FBXL17: variants seen among roughly 807,000 people sequenced by gnomAD.
FBXL17 encodes F-box and leucine rich repeat protein 17, also known as F-box/LRR-repeat protein 17.
FBXL17 carries 22 observed loss-of-function variants against 66.2 expected under a neutral mutation model. The observed-to-expected ratio is 0.33, with a 90% confidence interval of 0.24 to 0.47. The LOEUF (loss-of-function observed/expected upper bound fraction) is 0.47, where lower values mean the gene tolerates loss of function less well. FBXL17 is among the 20% of genes least tolerant of loss of function. FBXL17 has a pLI of 1.00. For missense variants in FBXL17, 878 were observed against 948.2 expected (o/e 0.93, Z 0.97); for synonymous variants, 474 against 400.5 (o/e 1.18, Z -2.19).
At chr5:107,980,400 TA>T (rs535898493) in intron 7 of FBXL17, among the ~76,000 whole-genome samples, 134 of 133,278 alleles carry the variant, frequency 1.0e-3, no homozygotes, top group Non-Finnish European at 1.1e-3. Flanking sequence ...TTTTACTTAA[TA>T]TTTTTTTTTT....
At chr5:107,883,076 C>T (rs771138503) in intron 7 of FBXL17, among the ~76,000 whole-genome samples, 1 of 152,124 alleles carries the variant, frequency 6.6e-6, no homozygotes, top group Non-Finnish European at 1.5e-5. Context: ...TTAACTCATT[C>T]GTTTATTTAA....
At chr5:108,232,532 C>T (rs1360098153) in intron 4 of FBXL17, among the ~76,000 whole-genome samples, 1 of 151,490 alleles carries the variant, frequency 6.6e-6, no homozygotes, top group Non-Finnish European at 1.5e-5. Flanking sequence ...GCAGACCCAC[C>T]CTTACTCTGG....
At chr5:107,975,609 A>C (rs966630592) in intron 7 of FBXL17, among the ~76,000 whole-genome samples, 1 of 151,994 alleles carries the variant, frequency 6.6e-6, no homozygotes, top group African/African-American at 2.4e-5. Flanking sequence ...CCTGAAATAA[A>C]TGTATCATTG....
intron 6 of FBXL17, among the ~76,000 whole-genome samples, chr5:108,100,452 CAA>C (rs766012699): frequency 1.6e-3 from 244 of 152,212 alleles, no homozygotes; most frequent in Middle Eastern, 3.4e-3. Flanking sequence ...TGTTTCTAAG[CAA>C]ATCCCAAAAA....
intron 7 of FBXL17, among the ~76,000 whole-genome samples, chr5:107,929,411 A>G (rs1225743768): frequency 6.6e-6 from 1 of 152,180 alleles, no homozygotes; most frequent in Non-Finnish European, 1.5e-5. Flanking sequence ...TACCTTTACT[A>G]CTACTTAGTG....
intron 4 of FBXL17, among the ~76,000 whole-genome samples, chr5:108,329,009 T>C (rs935440778): frequency 1.3e-5 from 2 of 152,086 alleles, no homozygotes; most frequent in Non-Finnish European, 2.9e-5. Context: ...TATCCTTTGA[T>C]CTTCCCAATT....
chr5:108,288,139 T>C (rs184403298), intron 4 of FBXL17, among the ~76,000 whole-genome samples: 160 of 151,768 alleles, frequency 1.1e-3, no homozygotes, highest in African/African-American at 3.6e-3. Flanking sequence ...AGGGTGAAGA[T>C]TGAAAAACTA....
intron 6 of FBXL17, among the ~76,000 whole-genome samples, chr5:108,031,664 G>C (rs1746648731): frequency 6.6e-6 from 1 of 151,980 alleles, no homozygotes. Flanking sequence ...TGAGAAACTG[G>C]TCTCTCAAAA....
At chr5:108,145,821 CAATAAT>C (rs139233106) in intron 6 of FBXL17, among the ~76,000 whole-genome samples, 31 of 146,148 alleles carry the variant, frequency 2.1e-4, no homozygotes, top group Middle Eastern at 3.6e-3. Context: ...GTTGCCTAAA[CAATAAT>C]AATAATAATA....
At chr5:108,253,436 A>C (rs1756444937) in intron 4 of FBXL17, among the ~76,000 whole-genome samples, 1 of 152,168 alleles carries the variant, frequency 6.6e-6, no homozygotes, top group African/African-American at 2.4e-5. Flanking sequence ...AAAGTTCTTC[A>C]GATTACAGGA....
chr5:108,014,076 CAAGAG>C (rs1478348141), intron 7 of FBXL17, among the ~76,000 whole-genome samples: 3 of 147,832 alleles, frequency 2.0e-5, no homozygotes, highest in African/African-American at 7.3e-5. Flanking sequence ...TCTGTATATC[CAAGAG>C]TACTATGCAG....
intron 2 of FBXL17, 101 bp from the exon 3 acceptor site, chr5:108,365,096 AT>A: frequency 1.3e-6 from 1 of 772,128 alleles, no homozygotes; most frequent in Non-Finnish European, 2.0e-6. Context: ...TACTAATTAG[AT>A]TATAGCATGA....
intron 6 of FBXL17, among the ~76,000 whole-genome samples, chr5:108,143,585 T>C (rs1424205699): frequency 6.6e-6 from 1 of 152,092 alleles, no homozygotes; most frequent in East Asian, 1.9e-4. Flanking sequence ...CACCTTCTTT[T>C]ATGCATATGA....
intron 6 of FBXL17, among the ~76,000 whole-genome samples, chr5:108,060,575 A>G (rs1747881304): frequency 6.6e-6 from 1 of 152,112 alleles, no homozygotes; most frequent in African/African-American, 2.4e-5. Context: ...CTTCTGAAAA[A>G]ACCTTTTTCA....
chr5:108,347,332 T>TC (rs1747345404), intron 4 of FBXL17, among the ~76,000 whole-genome samples: 2 of 152,324 alleles, frequency 1.3e-5, no homozygotes, highest in African/African-American at 4.8e-5. Context: ...ACCACTACTG[T>TC]ATATGCTATC....
At chr5:108,069,373 C>T (rs759293265) in intron 6 of FBXL17, among the ~76,000 whole-genome samples, 15 of 152,138 alleles carry the variant, frequency 9.9e-5, no homozygotes, top group Non-Finnish European at 2.1e-4. Context: ...AAAATAGGAA[C>T]ATTAAGGATA....
chr5:108,288,131 G>A (rs1336095876), intron 4 of FBXL17, among the ~76,000 whole-genome samples: 1 of 151,684 alleles, frequency 6.6e-6, no homozygotes, highest in East Asian at 1.9e-4. Context: ...GGAGGAGAAG[G>A]GTGAAGATTG....
In FBXL17 at chr5:108,209,651, G is replaced by T. The variant is rs561144093; in HGVS notation, c.1614+14470C>A. 1.8e-4 allele frequency among the ~76,000 whole-genome samples: 27 copies of T among 152,294 alleles called. No individual in the cohort carries two copies. In the East Asian group the frequency reaches 5.2e-3, roughly 29 times the overall value. On this transcript the variant is annotated intron_variant, in intron 5 of 8. Transcript: ENST00000542267. ...ATGTTGAACCAGGCTTGCATCCAAG[G>T]AGTGAAGCCGACTTGATCATAGTGG...
At chr5:108,105,144 AT>A (rs559069499) in intron 6 of FBXL17, among the ~76,000 whole-genome samples, 129 of 152,276 alleles carry the variant, frequency 8.5e-4, no homozygotes, top group Middle Eastern at 3.4e-3. Flanking sequence ...CCTGGCCGTG[AT>A]TTTTTTAATG....
Sources: gnomAD v4.1 joint callset for allele counts (sites outside exome capture counted in the v4.1 genomes callset) on GRCh38, gnomAD v4.1.1 for gene constraint, MANE v1.5 for transcripts, NCBI Gene and HGNC (gene_info 2026-07-23, HGNC 2026-07-21) for gene names.